RBFOX1: variants seen among roughly 807,000 people sequenced by gnomAD.
RBFOX1 encodes the protein RNA binding protein fox-1 homolog 1.
A neutral mutation model predicts 57.7 loss-of-function variants in RBFOX1; 8 were observed. That is an observed-to-expected ratio of 0.14 (90% CI 0.08 to 0.25). The LOEUF (loss-of-function observed/expected upper bound fraction) is 0.25, where lower values mean the gene tolerates loss of function less well. RBFOX1 is among the 10% of genes least tolerant of loss of function. The pLI, the probability that RBFOX1 is intolerant of heterozygous loss-of-function variation, is 1.00. For synonymous variants in RBFOX1, 326 were observed against 222.4 expected, an observed-to-expected ratio of 1.47 and a Z score of -4.15; for missense variants, 611 against 548.5, an observed-to-expected ratio of 1.11 and a Z score of -1.14.
chr16:5,248,882 G>GGAA (rs896516850), intron 1 of RBFOX1, among the ~76,000 whole-genome samples: 8 of 150,158 alleles, frequency 5.3e-5, no homozygotes, highest in African/African-American at 1.7e-4. Flanking sequence ...CAGCTACTCG[G>GGAA]GAAGCTGAGC....
intron 1 of RBFOX1, among the ~76,000 whole-genome samples, chr16:5,432,434 C>T (rs971654536): frequency 3.3e-5 from 5 of 152,014 alleles, no homozygotes; most frequent in East Asian, 3.9e-4. Context: ...ATTTATTGTC[C>T]GTCATTATCC....
In RBFOX1 at chr16:5,472,227, C is replaced by T. The variant is rs372854124; in HGVS notation, c.258+4973C>T. On this transcript the variant is annotated intron_variant, in intron 2 of 2. Coordinates refer to the RBFOX1 transcript ENST00000585867. ...TTTTTATTCTGTTTCGGTTCCTCCTCACTCCAGAGCTTCCACCCACGAGGC... is the reference window on the plus strand; with the variant it reads ...TTTTTATTCTGTTTCGGTTCCTCCTTACTCCAGAGCTTCCACCCACGAGGC... Among the ~76,000 whole-genome samples the T allele has an allele frequency of 1.6e-4, 25 of 152,256 alleles. No homozygotes were observed. The East Asian group carries it at 4.2e-3, about 26-fold the overall frequency.
rs1179626101 is a variant in RBFOX1 at position 5,941,839 on chromosome 16, C to T, written c.351+74504C>T. On this transcript the variant is annotated intron_variant, in intron 4 of 19. Transcript: ENST00000641259. ...CGTGCGAAATAGACAAGAGAGCCAGCGTTAGTATGGATGACGCAGTACATC... is the reference window on the plus strand; with the variant it reads ...CGTGCGAAATAGACAAGAGAGCCAGTGTTAGTATGGATGACGCAGTACATC... 2.6e-5 allele frequency among the ~76,000 whole-genome samples: 4 copies of T among 151,948 alleles called. 1 individual carries two copies. The highest frequency in any genetic ancestry group is 4.1e-4 in the South Asian group (2 of 4,820).
chr16:7,207,694 A>G (rs780985811), intron 4 of RBFOX1, among the ~76,000 whole-genome samples: 2 of 152,208 alleles, frequency 1.3e-5, no homozygotes, highest in South Asian at 2.1e-4. Flanking sequence ...AAAGAATGCA[A>G]CAACTGTGGA....
At chr16:6,155,986 G>A (rs957439798) in intron 1 of RBFOX1, among the ~76,000 whole-genome samples, 6 of 152,042 alleles carry the variant, frequency 3.9e-5, no homozygotes, top group Admixed American at 3.3e-4. Flanking sequence ...CCCACTCTTC[G>A]TGAGTTAGAA....
At chr16:7,100,632 G>C (rs917520600) in intron 4 of RBFOX1, among the ~76,000 whole-genome samples, 2 of 145,926 alleles carry the variant, frequency 1.4e-5, no homozygotes, top group Non-Finnish European at 3.0e-5. Context: ...CCTACTGTTG[G>C]ATGTCAGGTT....
chr16:6,023,017 C>G (rs970332227), intron 1 of RBFOX1, among the ~76,000 whole-genome samples: 1 of 152,016 alleles, frequency 6.6e-6, no homozygotes, highest in African/African-American at 2.4e-5. Flanking sequence ...CTCATAGAAG[C>G]AGAGAGTAGA....
chr16:6,231,056 T>C (rs953552264), intron 1 of RBFOX1, among the ~76,000 whole-genome samples: 4 of 152,132 alleles, frequency 2.6e-5, no homozygotes, highest in African/African-American at 7.2e-5. Flanking sequence ...ACTATCCAGA[T>C]AGAAACTAAT....
At chr16:5,515,750 A>G (rs1337574073) in intron 2 of RBFOX1, among the ~76,000 whole-genome samples, 1 of 152,146 alleles carries the variant, frequency 6.6e-6, no homozygotes, top group Non-Finnish European at 1.5e-5. Flanking sequence ...AAGTATCAAG[A>G]CTGGTGAGAC....
intron 5 of RBFOX1, among the ~76,000 whole-genome samples, chr16:7,566,259 T>A (rs1285715079): frequency 6.6e-6 from 1 of 152,122 alleles, no homozygotes; most frequent in Admixed American, 6.5e-5. Flanking sequence ...AGCAGCCTGC[T>A]TTTGATTGCT....
intron 1 of RBFOX1, among the ~76,000 whole-genome samples, chr16:6,151,568 G>A (rs1209722239): frequency 6.6e-6 from 1 of 152,212 alleles, no homozygotes; most frequent in African/African-American, 2.4e-5. Context: ...TTACAGGAGT[G>A]AGCCACTGCA....
At chr16:6,180,001 G>T (rs1396463294) in intron 1 of RBFOX1, among the ~76,000 whole-genome samples, 2 of 152,156 alleles carry the variant, frequency 1.3e-5, no homozygotes, top group Non-Finnish European at 2.9e-5. Flanking sequence ...GTATGTCAGG[G>T]TTTAAAGTTT....
chr16:6,527,806 G>T (rs1354261066), intron 2 of RBFOX1, among the ~76,000 whole-genome samples: 1 of 152,190 alleles, frequency 6.6e-6, no homozygotes, highest in East Asian at 1.9e-4. Flanking sequence ...GCCTCTGTAG[G>T]GTAGGGACGT....
chr16:6,674,900 T>G (rs1352585866), intron 3 of RBFOX1, among the ~76,000 whole-genome samples: 1 of 151,876 alleles, frequency 6.6e-6, no homozygotes, highest in East Asian at 1.9e-4. Flanking sequence ...TGTTTGGTGG[T>G]TTTTTTTGTT....
intron 4 of RBFOX1, among the ~76,000 whole-genome samples, chr16:7,412,292 G>C (rs1359150666): frequency 6.6e-6 from 1 of 151,704 alleles, no homozygotes; most frequent in Non-Finnish European, 1.5e-5. Context: ...GCGTGTGCCT[G>C]TAATCTCAGC....
chr16:7,341,618 C>G (rs2096892167), intron 4 of RBFOX1, among the ~76,000 whole-genome samples: 1 of 152,116 alleles, frequency 6.6e-6, no homozygotes, highest in Non-Finnish European at 1.5e-5. Flanking sequence ...ATGCACAGTC[C>G]AAAGAAGATG....
At chr16:6,136,627 A>T (rs1197597614) in intron 1 of RBFOX1, among the ~76,000 whole-genome samples, 1 of 152,178 alleles carries the variant, frequency 6.6e-6, no homozygotes, top group Non-Finnish European at 1.5e-5. Flanking sequence ...GTAATATTCC[A>T]GAAAAACCTT....
chr16:6,937,414 G>C (rs1410151346), intron 3 of RBFOX1, among the ~76,000 whole-genome samples: 1 of 151,840 alleles, frequency 6.6e-6, no homozygotes, highest in East Asian at 1.9e-4. Flanking sequence ...TTTTTTTATA[G>C]TTTTCTATGT....
intron 5 of RBFOX1, among the ~76,000 whole-genome samples, chr16:7,571,854 C>T (rs961050440): frequency 2.0e-5 from 3 of 152,120 alleles, no homozygotes; most frequent in Middle Eastern, 3.2e-3. Flanking sequence ...CTAGGCCCGG[C>T]GCCGTGGCTC....
Sources: gnomAD v4.1 joint callset for allele counts (sites outside exome capture counted in the v4.1 genomes callset) on GRCh38, gnomAD v4.1.1 for gene constraint, MANE v1.5 for transcripts, NCBI Gene and HGNC (gene_info 2026-07-23, HGNC 2026-07-21) for gene names.